The following GALNT14 variants were observed in gnomAD, a reference collection of about 807,000 sequenced individuals.
GALNT14 encodes UDP-GalNAc:polypeptide N-acetylgalactosaminyltransferase 14.
GALNT14 carries 60 observed loss-of-function variants against 77.5 expected under a neutral mutation model. The observed-to-expected ratio is 0.77, with a 90% confidence interval of 0.63 to 0.96. GALNT14 has a LOEUF of 0.96. Among genes scored for constraint, GALNT14 ranks in the 40% least tolerant of loss-of-function variants. GALNT14 has a pLI of 0.00. For synonymous variants in GALNT14, 280 were observed against 281.7 expected (o/e 0.99, Z 0.06); for missense variants, 710 against 731.0 (o/e 0.97, Z 0.33).
chr2:30,920,312 G>A (rs1172819236), intron 13 of GALNT14, among the ~76,000 whole-genome samples: 2 of 152,204 alleles, frequency 1.3e-5, no homozygotes, highest in Non-Finnish European at 2.9e-5. Context: ...CTACTTAACA[G>A]GCTTTTATGT....
At chr2:31,100,010 A>G (rs7578162) in intron 1 of GALNT14, among the ~76,000 whole-genome samples, 1,727 of 152,026 alleles carry the variant, frequency 0.011, 13 homozygotes, top group South Asian at 0.028. Flanking sequence ...CAATCTTTCC[A>G]TTTGCTTCAG....
intron 3 of GALNT14, among the ~76,000 whole-genome samples, chr2:30,965,579 G>T (rs1171146264): frequency 1.3e-5 from 2 of 152,080 alleles, no homozygotes; most frequent in Non-Finnish European, 2.9e-5. Context: ...CTGGCACTGG[G>T]ACTTGGGCAC....
At chr2:30,973,944 A>C (rs1668499690) in intron 2 of GALNT14, among the ~76,000 whole-genome samples, 1 of 152,192 alleles carries the variant, frequency 6.6e-6, no homozygotes, top group Non-Finnish European at 1.5e-5. Flanking sequence ...AAAGGGAATA[A>C]GTGGGTCAGA....
At chr2:30,891,976 G>A in the GALNT14 span, among the ~76,000 whole-genome samples, 5 of 152,140 alleles carry the variant, frequency 3.3e-5, no homozygotes, top group Admixed American at 6.5e-5. Flanking sequence ...TAGATTGTTC[G>A]CTAGAGAAAC....
intron 1 of GALNT14, among the ~76,000 whole-genome samples, chr2:31,132,384 A>G (rs1431567915): frequency 6.6e-6 from 1 of 152,220 alleles, no homozygotes; most frequent in Non-Finnish European, 1.5e-5. Flanking sequence ...TGCCATTTGC[A>G]TATTTCTCAG....
intron 2 of GALNT14, among the ~76,000 whole-genome samples, chr2:30,966,527 G>GT (rs1389729672): frequency 2.6e-5 from 4 of 152,292 alleles, no homozygotes; most frequent in African/African-American, 9.6e-5. Flanking sequence ...ACCACCTTGG[G>GT]GGAACCTAGG....
At chr2:31,015,302 A>T (rs866732048) in intron 1 of GALNT14, among the ~76,000 whole-genome samples, 3,392 of 151,088 alleles carry the variant, frequency 0.022, 114 homozygotes, top group African/African-American at 0.079. Context: ...CAAAGGAAAA[A>T]AAAAAAAAAA....
At chr2:31,092,711 G>A (rs977164163) in intron 1 of GALNT14, among the ~76,000 whole-genome samples, 4 of 152,192 alleles carry the variant, frequency 2.6e-5, no homozygotes, top group African/African-American at 9.6e-5. Context: ...AGCTGTTTCA[G>A]GGGATGAGTT....
At chr2:31,041,899 A>T (rs563958776) in intron 1 of GALNT14, among the ~76,000 whole-genome samples, 52 of 152,294 alleles carry the variant, frequency 3.4e-4, no homozygotes, top group Admixed American at 2.8e-3. Flanking sequence ...TGAGGGGACA[A>T]TGAAGAGGGG....
chr2:31,063,678 C>T (rs1395611969), intron 1 of GALNT14, among the ~76,000 whole-genome samples: 1 of 152,164 alleles, frequency 6.6e-6, no homozygotes, highest in Non-Finnish European at 1.5e-5. Context: ...GATATTGATT[C>T]TTCCTATCTA....
At chr2:30,948,728 T>C (rs769820414) in intron 6 of GALNT14, among the ~76,000 whole-genome samples, 1 of 152,218 alleles carries the variant, frequency 6.6e-6, no homozygotes, top group Non-Finnish European at 1.5e-5. Context: ...AGTTAAGCCA[T>C]AACCATGATT....
intron 1 of GALNT14, among the ~76,000 whole-genome samples, chr2:31,047,355 G>A (rs1673530404): frequency 6.6e-6 from 1 of 152,200 alleles, no homozygotes; most frequent in South Asian, 2.1e-4. Context: ...GGGTTATCCT[G>A]CTGGGAGAAT....
chr2:30,955,581 G>A, intron 6 of GALNT14, 37 bp downstream of exon 6: 1 of 1,603,308 alleles, frequency 6.2e-7, no homozygotes, highest in Non-Finnish European at 8.5e-7. Context: ...AGAAAGCTGG[G>A]GCACGAGGCC....
chr2:31,076,082 G>C (rs1675761972), intron 1 of GALNT14, among the ~76,000 whole-genome samples: 1 of 152,174 alleles, frequency 6.6e-6, no homozygotes, highest in South Asian at 2.1e-4. Flanking sequence ...AGCAGTCTTG[G>C]AAACCACTGT....
intron 1 of GALNT14, among the ~76,000 whole-genome samples, chr2:31,005,690 C>T (rs1204769055): frequency 6.6e-6 from 1 of 152,132 alleles, no homozygotes; most frequent in Non-Finnish European, 1.5e-5. Flanking sequence ...CACAGATGAC[C>T]GGGTGCCTCA....
At chr2:30,996,248 G>A (rs559460539) in intron 1 of GALNT14, among the ~76,000 whole-genome samples, 7 of 152,348 alleles carry the variant, frequency 4.6e-5, no homozygotes, top group South Asian at 4.1e-4. Flanking sequence ...AATCTGTTCA[G>A]GGAATGGCTA....
the GALNT14 span, among the ~76,000 whole-genome samples, chr2:30,904,364 G>A: frequency 1.3e-5 from 2 of 152,214 alleles, no homozygotes; most frequent in African/African-American, 4.8e-5. Flanking sequence ...CACTGTGTGC[G>A]AGCCGAAGCA....
At chr2:30,955,850 C>T in intron 5 of GALNT14, 62 bp downstream of exon 5, 1 of 1,608,090 alleles carries the variant, frequency 6.2e-7, no homozygotes, top group South Asian at 1.1e-5. Flanking sequence ...ACACACACAC[C>T]ATCACACCTT....
chr2:30,902,234 T>C, the GALNT14 span, among the ~76,000 whole-genome samples: 14 of 152,146 alleles, frequency 9.2e-5, no homozygotes, highest in Admixed American at 2.6e-4. Flanking sequence ...ATGGCTGCTT[T>C]GCTCACTTTT....
Sources: allele counts gnomAD v4.1 joint callset (sites outside exome capture counted in the v4.1 genomes callset), GRCh38; gene constraint gnomAD v4.1.1; transcripts MANE v1.5; gene names NCBI Gene and HGNC (gene_info 2026-07-23, HGNC 2026-07-21).